Variants in SYNE2 observed in about 807,000 individuals in gnomAD.
The protein encoded by SYNE2 is spectrin repeat containing nuclear envelope protein 2.
A neutral mutation model predicts 856.3 loss-of-function variants in SYNE2; 431 were observed. The observed-to-expected ratio is 0.50, with a 90% CI of 0.47 to 0.55. The LOEUF (loss-of-function observed/expected upper bound fraction) is 0.55, where lower values mean the gene tolerates loss of function less well. Among genes scored for constraint, SYNE2 ranks in the 20% least tolerant of loss-of-function variants. The pLI, the probability that SYNE2 is intolerant of heterozygous loss-of-function variation, is 0.00. For synonymous variants in SYNE2, 2,923 were observed against 2,872.3 expected, an observed-to-expected ratio of 1.02 and a Z score of -0.56; for missense variants, 8,129 against 8,023.2, an observed-to-expected ratio of 1.01 and a Z score of -0.50.
chr14:64,134,733 T>G (rs1366289282), intron 78 of SYNE2, among the ~76,000 whole-genome samples: 1 of 152,046 alleles, frequency 6.6e-6, no homozygotes, highest in Non-Finnish European at 1.5e-5. Flanking sequence ...TCCTAGCACT[T>G]TGGGAGGCCA....
chr14:64,082,684 C>T (rs1352824794), intron 57 of SYNE2, among the ~76,000 whole-genome samples: 2 of 152,222 alleles, frequency 1.3e-5, no homozygotes, highest in Non-Finnish European at 2.9e-5. Flanking sequence ...GGAGGACTCA[C>T]CTCAGCTATG....
chr14:63,765,978 C>G (rs1350658363), intron 1 of SYNE2, among the ~76,000 whole-genome samples: 1 of 152,080 alleles, frequency 6.6e-6, no homozygotes. Context: ...GCACTGCCAC[C>G]TGGGTGACAG....
rs184630891 is a variant in SYNE2, at chr14:64,036,348, G to A, written c.7221+4991G>A. ...GTCACCCAGGCTGGAGTGCAGTGGC[G>A]CGATCTTGGCTCACTGCAACCTCTG... On this transcript the variant is annotated intron_variant, in intron 45 of 115. Transcript: ENST00000555002. Among the ~76,000 whole-genome samples the A allele has an allele frequency of 2.6e-5, 4 of 152,208 alleles. 1 individual carries two copies. The highest frequency in any genetic ancestry group is 4.1e-4 in the South Asian group (2 of 4,830).
chr14:63,982,662 A>G lies in SYNE2; in HGVS notation c.1869A>G (p.Leu623=). The change falls in exon 17 of 116, where the codon CTA becomes CTG. Residue 623 remains leucine (L), a synonymous_variant. Coordinates refer to ENST00000555002, the MANE Select transcript of SYNE2 (RefSeq NM_182914.3). ...VPFETLAQWN[L]EHATLNEAGN... is the part of the protein sequence containing the mutation. ...TTGAGACACTAGCCCAGTGGAATCT[A>G]GAACACGCTACTTTAAATGAAGCAG... 1 of 1,614,184 alleles carries G rather than the reference A, an allele frequency of 6.2e-7. No individual in the cohort carries two copies. The highest frequency in any genetic ancestry group is 1.6e-4 in the Middle Eastern group (1 of 6,062).
At chr14:63,993,396 CAA>C (rs1555417902) in intron 21 of SYNE2, among the ~76,000 whole-genome samples, 2 of 152,058 alleles carry the variant, frequency 1.3e-5, no homozygotes, top group Non-Finnish European at 2.9e-5. Flanking sequence ...AAACAAAAAA[CAA>C]AACGAAACAA....
intron 84 of SYNE2, among the ~76,000 whole-genome samples, chr14:64,150,321 A>G (rs111235500): frequency 0.12 from 14,760 of 119,362 alleles, 1,274 homozygotes; most frequent in East Asian, 0.3. Flanking sequence ...AAAAAAAAAA[A>G]GGATCCTCCC....
intron 49 of SYNE2, among the ~76,000 whole-genome samples, chr14:64,061,838 T>G (rs1219315876): frequency 6.6e-6 from 1 of 152,214 alleles, no homozygotes; most frequent in Non-Finnish European, 1.5e-5. Flanking sequence ...AGCTTTATGG[T>G]CTGTCCCCCA....
chr14:63,787,286 C>T (rs1027637593), intron 1 of SYNE2, among the ~76,000 whole-genome samples: 1 of 152,104 alleles, frequency 6.6e-6, no homozygotes, highest in Admixed American at 6.6e-5. Context: ...AGATCTTATT[C>T]CTTCTACGCA....
intron 47 of SYNE2, among the ~76,000 whole-genome samples, chr14:64,050,365 C>T (rs1315280063): frequency 6.6e-6 from 1 of 152,200 alleles, no homozygotes; most frequent in East Asian, 1.9e-4. Flanking sequence ...AAGGGACACA[C>T]ATTCAGACCA....
At chr14:64,075,857 A>G in intron 53 of SYNE2, 88 bp from the exon 54 acceptor site, 1 of 1,436,612 alleles carries the variant, frequency 7.0e-7, no homozygotes, top group South Asian at 1.2e-5. Context: ...TTTAAATCAT[A>G]AGGATGTGCT....
chr14:63,979,599 G>GT (rs2096570228), intron 14 of SYNE2, among the ~76,000 whole-genome samples: 6 of 152,136 alleles, frequency 3.9e-5, no homozygotes, highest in African/African-American at 4.8e-5. Flanking sequence ...CCTTCTTTTT[G>GT]TTTCCCTCCT....
intron 99 of SYNE2, among the ~76,000 whole-genome samples, chr14:64,191,799 C>T (rs2098520020): frequency 6.6e-6 from 1 of 152,218 alleles, no homozygotes; most frequent in Non-Finnish European, 1.5e-5. Flanking sequence ...TACAGAAATG[C>T]ATGATGGAAA....
intron 29 of SYNE2, 131 bp from the exon 30 acceptor site, chr14:64,002,589 C>A: frequency 4.1e-6 from 4 of 974,666 alleles, no homozygotes; most frequent in Non-Finnish European, 6.0e-6. Flanking sequence ...TAGGTAGAAA[C>A]TGTCACCTTT....
chr14:63,910,244 T>C (rs941261839), intron 2 of SYNE2, among the ~76,000 whole-genome samples: 2 of 152,186 alleles, frequency 1.3e-5, no homozygotes, highest in African/African-American at 4.8e-5. Context: ...CAAAATTACT[T>C]TTTTTCTGAT....
rs757082676 is a variant in SYNE2 at position 64,031,368 on chromosome 14, G to A, written c.7221+11G>A. Reference sequence around the variant, plus strand: ...TGGGAAATAAACAAGGTAAGTGCTTGTGATTGCACTTTCAAGACAGTGAGT... The same window carrying A: ...TGGGAAATAAACAAGGTAAGTGCTTATGATTGCACTTTCAAGACAGTGAGT... On this transcript the variant is annotated intron_variant, in intron 45 of 115. Transcript: ENST00000555002. 7 of 1,609,452 alleles carry A rather than the reference G, an allele frequency of 4.3e-6. No individual in the cohort carries two copies. In the African/African-American group the frequency reaches 9.4e-5, roughly 21 times the overall value.
intron 6 of SYNE2, among the ~76,000 whole-genome samples, chr14:63,945,285 T>A (rs1034957939): frequency 2.0e-5 from 3 of 152,110 alleles, no homozygotes; most frequent in East Asian, 3.9e-4. Flanking sequence ...CCAGCATCCC[T>A]AAGTGCCCCA....
At chr14:63,982,947 A>G (rs2096597714) in intron 17 of SYNE2, among the ~76,000 whole-genome samples, 153 bp downstream of exon 17, 1 of 152,164 alleles carries the variant, frequency 6.6e-6, no homozygotes, top group Non-Finnish European at 1.5e-5. Flanking sequence ...ATTACTTCAT[A>G]AGGAAACCCT....
At chr14:63,977,273 C>T (rs955258574) in intron 12 of SYNE2, among the ~76,000 whole-genome samples, 11 of 151,928 alleles carry the variant, frequency 7.2e-5, no homozygotes, top group African/African-American at 1.9e-4. Context: ...AGTGCAGTGG[C>T]GCGATCTTGG....
Position 64,141,430 on chromosome 14 carries a change from T to C in SYNE2, c.15066T>C (p.Asp5022=). 6.2e-7 allele frequency: 1 copy of C among 1,614,116 alleles called. No homozygotes were observed. The highest frequency in any genetic ancestry group is 1.1e-5 in the South Asian group (1 of 91,088). The change falls in exon 81 of 116, where the codon GAT becomes GAC. Residue 5022 remains aspartate (D), a synonymous_variant. Coordinates refer to ENST00000555002, the MANE Select transcript of SYNE2 (RefSeq NM_182914.3). The part of the protein sequence containing the change: ...GNQLLHLKET[D]TATLRASLAQ... Reference sequence around the variant, plus strand: ...AGCTTCTTCACCTGAAAGAAACTGATACAGCTACACTGAGAGCTTCTTTAG... The same window carrying C: ...AGCTTCTTCACCTGAAAGAAACTGACACAGCTACACTGAGAGCTTCTTTAG...
Sources: allele counts gnomAD v4.1 joint callset (sites outside exome capture counted in the v4.1 genomes callset), GRCh38; gene constraint gnomAD v4.1.1; transcripts MANE v1.5; gene names NCBI Gene and HGNC (gene_info 2026-07-23, HGNC 2026-07-21).